Variants in PRKDC observed in about 807,000 individuals in gnomAD.
The protein encoded by PRKDC is protein kinase, DNA-activated, catalytic subunit, also known as DNA-dependent protein kinase catalytic subunit.
In PRKDC, 82 loss-of-function variants were observed where a neutral mutation model predicts 486.9. The ratio of observed to expected loss-of-function variants is 0.17; its 90% CI spans 0.14 to 0.20. PRKDC has a LOEUF of 0.20. Among genes scored for constraint, PRKDC ranks in the 10% least tolerant of loss-of-function variants. The pLI is 1.00. For synonymous variants in PRKDC, 1,895 were observed against 1,837.0 expected (o/e 1.03, Z -0.81); for missense variants, 4,504 against 5,038.2 (o/e 0.89, Z 3.21).
At position 47,817,542 on chromosome 8, in the gene PRKDC, A is replaced by T; in HGVS notation, c.9465T>A (p.Val3155=). Residue 3155 remains valine, a synonymous_variant, in exon 68 of 86, where the codon GTT becomes GTA. Coordinates refer to ENST00000314191, the MANE Select transcript of PRKDC (RefSeq NM_006904.7). The stretch of plus-strand genomic sequence containing the variant: ...AGGTGTTCAGAAGTCTCTTAAGGGG[A>T]ACTTGAGATGATAAATTGCCTAAAA... ...ISKQGNLSSQ[V]PLKRLLNTWT... The T allele has an allele frequency of 6.2e-7, 1 of 1,601,222 alleles. No individual in the cohort carries two copies. Among genetic ancestry groups the T allele is most frequent in the South Asian group, 1.1e-5 (1 of 88,910 alleles).
chr8:47,917,350 T>C (rs926954524), intron 22 of PRKDC, among the ~76,000 whole-genome samples: 10 of 152,202 alleles, frequency 6.6e-5, no homozygotes, highest in African/African-American at 2.4e-4. Context: ...TTATAAAAAC[T>C]TTTATGCCGC....
chr8:47,904,532 C>A (rs1039272334), intron 26 of PRKDC, among the ~76,000 whole-genome samples: 1 of 152,170 alleles, frequency 6.6e-6, no homozygotes, highest in East Asian at 1.9e-4. Flanking sequence ...GGATTACAGG[C>A]GTGAGCCACT....
chr8:47,921,265 GA>G (rs560739582), intron 21 of PRKDC, among the ~76,000 whole-genome samples: 12 of 148,600 alleles, frequency 8.1e-5, no homozygotes, highest in African/African-American at 2.7e-4. Flanking sequence ...AAAAAAAAAA[GA>G]AAAAAAAATG....
intron 41 of PRKDC, among the ~76,000 whole-genome samples, 157 bp from the exon 42 acceptor site, chr8:47,863,734 A>G (rs2088733211): frequency 6.6e-6 from 1 of 152,244 alleles, no homozygotes; most frequent in African/African-American, 2.4e-5. Flanking sequence ...GCAATTGTCC[A>G]GGTCTAGAAC....
rs1225258635 is a variant in PRKDC, at chr8:47,823,731, C to T, written c.8922+127G>A. The T allele has an allele frequency of 7.9e-6, 9 of 1,138,026 alleles. No individual in the cohort carries two copies. In the East Asian group the frequency reaches 1.9e-4, roughly 24 times the overall value. 70.5% of individuals were successfully genotyped at this position (1,138,026 alleles called of 1,614,324 possible). On this transcript the variant is annotated intron_variant, in intron 64 of 85. Coordinates refer to ENST00000314191, the MANE Select transcript of PRKDC (RefSeq NM_006904.7). ...TAAGGAAACCAATTTTCTTCCTCATCAACATTGTAACGAAAAGACATTGAA... is the reference window on the plus strand; with the variant it reads ...TAAGGAAACCAATTTTCTTCCTCATTAACATTGTAACGAAAAGACATTGAA...
chr8:47,888,909 T>C lies in PRKDC; in HGVS notation c.4280+105A>G, dbSNP rs1337393127. The C allele has an allele frequency of 4.0e-6, 5 of 1,235,324 alleles. No individual in the cohort carries two copies. The African/African-American group carries it at 6.0e-5, about 15-fold the overall frequency. 76.5% of individuals were successfully genotyped at this position (1,235,324 alleles called of 1,614,324 possible). ...TCACTGGCAGCAAACATCCCACTGA[T>C]ATAAGCCTTCCCTGAGGAAGCAGGA... On this transcript the variant is annotated intron_variant, in intron 33 of 85. Transcript: ENST00000314191.
At chr8:47,934,936 C>A (rs143862351) in intron 14 of PRKDC, 73 bp downstream of exon 14, 2 of 1,253,496 alleles carry the variant, frequency 1.6e-6, no homozygotes, top group African/African-American at 1.5e-5. Flanking sequence ...AAATTATATT[C>A]GAAAACCTCA....
intron 16 of PRKDC, among the ~76,000 whole-genome samples, chr8:47,931,719 G>A (rs1291422979): frequency 6.6e-6 from 1 of 152,120 alleles, no homozygotes; most frequent in Admixed American, 6.5e-5. Context: ...TGGAGGTACT[G>A]ACGCATGAAC....
At chr8:47,844,526 C>T (rs1159307596) in intron 54 of PRKDC, among the ~76,000 whole-genome samples, 1 of 152,158 alleles carries the variant, frequency 6.6e-6, no homozygotes, top group African/African-American at 2.4e-5. Context: ...AAACTCAACA[C>T]TTGAACAATC....
At chr8:47,874,962 G>C (rs934237842) in intron 40 of PRKDC, among the ~76,000 whole-genome samples, 2 of 152,124 alleles carry the variant, frequency 1.3e-5, no homozygotes, top group Non-Finnish European at 2.9e-5. Flanking sequence ...GGCTGAAGTG[G>C]GAGGATTGCC....
At chr8:47,789,112 C>G in intron 75 of PRKDC, 39 bp downstream of exon 75, 1 of 1,612,288 alleles carries the variant, frequency 6.2e-7, no homozygotes, top group Non-Finnish European at 8.5e-7. Flanking sequence ...TTTTACCCAA[C>G]TTATATGTTT....
At position 47,821,792 on chromosome 8, in the gene PRKDC, C is replaced by A. The variant is rs1397252184; in HGVS notation, c.8923G>T (p.Ala2975Ser). Residue 2975 changes from alanine to serine, a missense_variant and splice_region_variant, in exon 65 of 86, where the codon GCT becomes TCT. Around this residue, in one of 6 missense-constraint regions of PRKDC, gnomAD observed 1,592 missense variants for 1,724.6 expected, o/e 0.92. Transcript: ENST00000314191. ...YSEAAKQYDE[A>S]LNKQDWVDGE... is the part of the protein sequence containing the mutation. Reference sequence around the variant, plus strand: ...TCTACCCAGTCTTGTTTATTGAGAGCCTAGTGGAGAAAAGTTAATAAAATT... The same window carrying A: ...TCTACCCAGTCTTGTTTATTGAGAGACTAGTGGAGAAAAGTTAATAAAATT... 1.3e-6 allele frequency: 2 copies of A among 1,541,480 alleles called. No homozygotes were observed. Among genetic ancestry groups the A allele is most frequent in the Non-Finnish European group, 1.7e-6 (2 of 1,152,632 alleles).
At position 47,886,073 on chromosome 8, in the gene PRKDC, G is replaced by A. The variant is rs989824230; in HGVS notation, c.4647C>T (p.Ser1549=). 1.6e-5 allele frequency: 26 copies of A among 1,613,580 alleles called. No homozygotes were observed. The highest frequency in any genetic ancestry group is 3.3e-5 in the Admixed American group (2 of 60,008). ...ACTCCCCATGGGAGAAGTGGATGAC[G>A]CTGCCCTGTGAGCTGCCCAAGGACG... ...STASLGSSQG[S]VIHFSHGEYF... is the part of the protein sequence containing the mutation. Residue 1549 remains serine (S), a synonymous_variant, in exon 36 of 86, where the codon AGC becomes AGT. Coordinates refer to ENST00000314191, the MANE Select transcript of PRKDC (RefSeq NM_006904.7).
At position 47,794,595 on chromosome 8, in the gene PRKDC, G is replaced by C. The variant is rs2086943959; in HGVS notation, c.10459-94C>G. The C allele has an allele frequency of 1.8e-5, 20 of 1,118,526 alleles. 1 individual carries two copies. The South Asian group carries it at 3.1e-4, about 17-fold the overall frequency. 69.3% of individuals were successfully genotyped at this position (1,118,526 alleles called of 1,614,324 possible). ...TGTCCAAAATAAAGAAAACTCAGAA[G>C]TATAAAAACGCAAGTACAAAACAAG... On this transcript the variant is annotated intron_variant, in intron 73 of 85. Transcript: ENST00000314191.
Position 47,861,027 on chromosome 8 carries a change from T to C in PRKDC, c.5986-56A>G, listed in dbSNP as rs2088666121. ...ACATTTTATAATAATAGTGATACTT[T>C]TTCTGTTTTAGTAGCAATCTGGCAA... On this transcript the variant is annotated intron_variant, in intron 44 of 85. Coordinates refer to ENST00000314191, the MANE Select transcript of PRKDC (RefSeq NM_006904.7). 2.0e-5 allele frequency: 25 copies of C among 1,252,678 alleles called. No homozygotes were observed. The East Asian group carries it at 6.7e-4, about 33-fold the overall frequency. 77.6% of individuals were successfully genotyped at this position (1,252,678 alleles called of 1,614,324 possible).
chr8:47,825,521 A>AC (rs1383728315), intron 63 of PRKDC, among the ~76,000 whole-genome samples: 18 of 149,940 alleles, frequency 1.2e-4, no homozygotes, highest in African/African-American at 3.7e-4. Context: ...AAAAAAAAAA[A>AC]AAAAAAAAAA....
chr8:47,897,415 G>A, intron 29 of PRKDC, 121 bp from the exon 30 acceptor site: 1 of 976,396 alleles, frequency 1.0e-6, no homozygotes, highest in Admixed American at 2.7e-5. Flanking sequence ...CTCACTAAAA[G>A]GCATTCGACT....
chr8:47,847,325 T>C (rs1161564444), intron 54 of PRKDC, among the ~76,000 whole-genome samples: 1 of 151,976 alleles, frequency 6.6e-6, no homozygotes, highest in Non-Finnish European at 1.5e-5. Flanking sequence ...CACAGACCAA[T>C]AGAACAGAAT....
chr8:47,875,681 A>T (rs1219389547), intron 40 of PRKDC, among the ~76,000 whole-genome samples: 1 of 152,236 alleles, frequency 6.6e-6, no homozygotes, highest in Non-Finnish European at 1.5e-5. Context: ...GGCTATTTAG[A>T]AATATATTAT....
Sources: gnomAD v4.1 joint callset for allele counts (sites outside exome capture counted in the v4.1 genomes callset) on GRCh38, gnomAD v4.1.1 for gene constraint, gnomAD v4.1.1 regional missense constraint, MANE v1.5 for transcripts, NCBI Gene and HGNC (gene_info 2026-07-23, HGNC 2026-07-21) for gene names.